Variants in ABR observed in about 807,000 individuals in gnomAD.
The protein encoded by ABR is ABR activator of RhoGEF and GTPase, also known as active breakpoint cluster region-related protein.
A neutral mutation model predicts 107.2 loss-of-function variants in ABR; 35 were observed. The ratio of observed to expected loss-of-function variants is 0.33; its 90% CI spans 0.25 to 0.43. The LOEUF (loss-of-function observed/expected upper bound fraction) is 0.43. ABR is among the 20% of genes least tolerant of loss of function. ABR has a pLI of 1.00. For synonymous variants in ABR, 498 were observed against 462.0 expected (o/e 1.08, Z -1.00); for missense variants, 815 against 1,115.2 (o/e 0.73, Z 3.83).
At chr17:1,083,664 G>T in intron 4 of ABR, 37 bp from the exon 5 acceptor site, 1 of 1,465,856 alleles carries the variant, frequency 6.8e-7, no homozygotes. Context: ...GGAGAGGAGG[G>T]TGGGAGGGGA....
In ABR at chr17:1,222,074, C is replaced by CTTTTTTTTTTTTTTTTT. The variant is rs1488404002; in HGVS notation, c.838+6718_838+6719insAAAAAAAAAAAAAAAAA. Among the ~76,000 whole-genome samples, 19 of 144,764 alleles carry CTTTTTTTTTTTTTTTTT rather than the reference C, an allele frequency of 1.3e-4. 2 individuals are homozygous for CTTTTTTTTTTTTTTTTT. The highest frequency in any genetic ancestry group is 1.5e-4 in the African/African-American group (6 of 39,026). 95.0% of individuals were successfully genotyped at this position (144,764 alleles called of 152,430 possible). ...ATAACAGCACCATGGAGGATCCCAT[C>CTTTTTTTTTTTTTTTTT]TTTTTTTCTGAGACGGAGTTTCACC... On this transcript the variant is annotated intron_variant, in intron 1 of 22. Transcript: ENST00000574139.
At chr17:1,139,796 A>G (rs2040220083) in intron 1 of ABR, among the ~76,000 whole-genome samples, 1 of 152,198 alleles carries the variant, frequency 6.6e-6, no homozygotes, top group Non-Finnish European at 1.5e-5. Context: ...TAGGACTCAT[A>G]CAAATACCAA....
rs527623214 is a variant in ABR at position 1,078,046 on chromosome 17, C to T, written c.700+1284G>A. On this transcript the variant is annotated intron_variant, in intron 6 of 22. Transcript: ENST00000302538. The surrounding 1 kb of genome is among the most constrained non-coding windows in gnomAD (Gnocchi z 7.5). ...ACCTGTCCCGGGACTTCCCCCCAGC[C>T]CCCAGCCAGCTGCGGGAGCTGCAAG... is the stretch of plus-strand genomic sequence containing the variant. 2.2e-4 allele frequency among the ~76,000 whole-genome samples: 33 copies of T among 152,288 alleles called. No homozygotes were observed. The South Asian group carries it at 6.0e-3, about 28-fold the overall frequency.
intron 10 of ABR, among the ~76,000 whole-genome samples, chr17:1,061,803 T>A (rs1038666483): frequency 6.6e-6 from 1 of 152,138 alleles, no homozygotes; most frequent in East Asian, 1.9e-4. Flanking sequence ...CGTCTCAGCC[T>A]CCCAAAGTAC....
At chr17:1,126,683 C>G (rs1452529298) in intron 1 of ABR, 1 of 152,434 alleles carries the variant, frequency 6.6e-6, no homozygotes, top group African/African-American at 2.4e-5. Flanking sequence ...CTGGCTGAGC[C>G]TGCCCTGCCA....
chr17:1,083,579 C>T lies in ABR; in HGVS notation c.580G>A (p.Ala194Thr). ...CTGCACTTCTCAGCTGTCTCCAGAG[C>T]GACTTTATAGTTATCGACAAACGCT... ...YKAFVDNYKV[A>T]LETAEKCSQS... The change falls in exon 5 of 23, where the codon GCT becomes ACT. Residue 194 changes from alanine to threonine, a missense_variant. By Grantham distance (58) the Ala-to-Thr change is moderately conservative (BLOSUM62 0). Transcript: ENST00000302538. The T allele has an allele frequency of 6.2e-7, 1 of 1,613,500 alleles. No homozygotes were observed. Among genetic ancestry groups the T allele is most frequent in the Non-Finnish European group, 8.5e-7 (1 of 1,179,718 alleles).
intron 5 of ABR, 40 bp downstream of exon 5, chr17:1,083,480 C>G (rs773580546): frequency 1.3e-6 from 2 of 1,493,006 alleles, no homozygotes; most frequent in Middle Eastern, 1.9e-4. Context: ...GCCCCCAAAG[C>G]TCCTTGTCCC....
chr17:1,111,460 C>G (rs1431370653), intron 2 of ABR, among the ~76,000 whole-genome samples: 1 of 151,608 alleles, frequency 6.6e-6, no homozygotes, highest in Non-Finnish European at 1.5e-5. Flanking sequence ...CCTTCCCTGA[C>G]AAATGCCCTG....
At chr17:1,168,921 G>A (rs992874743) in intron 1 of ABR, among the ~76,000 whole-genome samples, 2 of 152,236 alleles carry the variant, frequency 1.3e-5, no homozygotes, top group African/African-American at 4.8e-5. Flanking sequence ...TCCCAAGGGG[G>A]AACGTGGGTC....
intron 1 of ABR, among the ~76,000 whole-genome samples, chr17:1,133,040 C>T (rs2039914560): frequency 1.3e-5 from 2 of 151,988 alleles, no homozygotes; most frequent in African/African-American, 2.4e-5. Flanking sequence ...GTCAGGAGTT[C>T]GAGACCAGGC....
intron 1 of ABR, among the ~76,000 whole-genome samples, chr17:1,214,730 G>A (rs1274320498): frequency 1.3e-5 from 2 of 152,122 alleles, no homozygotes; most frequent in Non-Finnish European, 2.9e-5. Context: ...GAACCTGGGA[G>A]GCGGATGTTG....
intron 1 of ABR, among the ~76,000 whole-genome samples, chr17:1,178,486 C>T (rs2041990586): frequency 6.6e-6 from 1 of 151,728 alleles, no homozygotes; most frequent in South Asian, 2.1e-4. Context: ...ATCACTTGAA[C>T]CCGGGAGGCA....
At chr17:1,031,787 G>GCGCT in intron 16 of ABR, 1 of 1,223,838 alleles carries the variant, frequency 8.2e-7, no homozygotes, top group Non-Finnish European at 1.0e-6. Flanking sequence ...CGCCTGTGGA[G>GCGCT]CGCTCAGTCC....
At chr17:1,215,369 C>T (rs554200822) in intron 1 of ABR, among the ~76,000 whole-genome samples, 1 of 152,290 alleles carries the variant, frequency 6.6e-6, no homozygotes, top group South Asian at 2.1e-4. Context: ...CTGCCGAGTG[C>T]CTGCGATTGC....
chr17:1,016,303 T>C (rs1192772370), intron 16 of ABR, among the ~76,000 whole-genome samples: 3 of 150,172 alleles, frequency 2.0e-5, no homozygotes, highest in African/African-American at 7.3e-5. Flanking sequence ...TTCTGAACAC[T>C]GACCCCAACG....
In ABR at chr17:1,148,644, G is replaced by A. The variant is rs909037580; in HGVS notation, c.62-23277C>T. Among the ~76,000 whole-genome samples the A allele has an allele frequency of 5.3e-5, 8 of 152,326 alleles. No homozygotes were observed. The South Asian group carries it at 1.0e-3, about 20-fold the overall frequency. On this transcript the variant is annotated intron_variant, in intron 1 of 22. Transcript: ENST00000302538. This position sits in a 1 kb window ranked among gnomAD's most constrained non-coding sequence, Gnocchi z 4.9. ...GCGTGAGCCCTGTCGTGATCTGCGCGTGCGAGGGATCGCAGTTCCATCCCG... is the reference window on the plus strand; with the variant it reads ...GCGTGAGCCCTGTCGTGATCTGCGCATGCGAGGGATCGCAGTTCCATCCCG...
At chr17:1,185,711 C>T (rs77087064) in intron 1 of ABR, among the ~76,000 whole-genome samples, 8,327 of 147,156 alleles carry the variant, frequency 0.057, 763 homozygotes, top group African/African-American at 0.2. Context: ...ATCAAGAAGA[C>T]GACCTCCAGG....
At chr17:1,123,786 C>T (rs946387832) in intron 2 of ABR, among the ~76,000 whole-genome samples, 5 of 152,274 alleles carry the variant, frequency 3.3e-5, no homozygotes, top group Non-Finnish European at 5.9e-5. Context: ...GGTTGGCCCC[C>T]GTTCAGGTCC....
chr17:1,179,841 G>C lies in ABR; in HGVS notation c.-114C>G, dbSNP rs1227874445. ...GTTGCGAGCGCGGAGGGGCGAGGAG[G>C]CCGGGAACCAGGTCCCCGGGAGGAG... On this transcript the variant is annotated 5_prime_UTR_variant, in exon 1 of 23. Coordinates refer to ENST00000302538, the MANE Select transcript of ABR (RefSeq NM_021962.5). The surrounding 1 kb of genome is among the most constrained non-coding windows in gnomAD (Gnocchi z 4.9). 8.7e-7 allele frequency: 1 copy of C among 1,147,050 alleles called. No homozygotes were observed. Among genetic ancestry groups the C allele is most frequent in the Non-Finnish European group, 1.1e-6 (1 of 870,840 alleles). 71.1% of individuals were successfully genotyped at this position (1,147,050 alleles called of 1,614,324 possible). A position where few individuals can be genotyped will look rare whatever the true frequency, so the allele number is the denominator to read the frequency against.
Sources: gnomAD v4.1 joint callset for allele counts (sites outside exome capture counted in the v4.1 genomes callset) on GRCh38, gnomAD v4.1.1 for gene constraint, Gnocchi (gnomAD v3.1) non-coding constraint, MANE v1.5 for transcripts, NCBI Gene and HGNC (gene_info 2026-07-23, HGNC 2026-07-21) for gene names.